Variants in STX18 observed in about 807,000 individuals in gnomAD.
STX18 encodes syntaxin 18.
Under a neutral mutation model 50.1 loss-of-function variants are expected in STX18, and 40 were observed. That is an observed-to-expected ratio of 0.80 (90% CI 0.62 to 1.04). STX18 has a LOEUF of 1.04. Among genes scored for constraint, STX18 ranks in the 50% least tolerant of loss-of-function variants. The pLI is 0.00. For synonymous variants in STX18, 158 were observed against 151.8 expected, an observed-to-expected ratio of 1.04 and a Z score of -0.30; for missense variants, 410 against 415.8, an observed-to-expected ratio of 0.99 and a Z score of 0.12.
intron 5 of STX18, among the ~76,000 whole-genome samples, chr4:4,448,155 C>T (rs73796006): frequency 0.02 from 3,109 of 152,254 alleles, 102 homozygotes; most frequent in African/African-American, 0.071. Flanking sequence ...TGCCCTCCCA[C>T]GCTGTCTTGG....
At chr4:4,432,206 T>C (rs1011777356) in intron 7 of STX18, among the ~76,000 whole-genome samples, 4 of 152,240 alleles carry the variant, frequency 2.6e-5, no homozygotes, top group African/African-American at 9.6e-5. Flanking sequence ...GGGCTAATGG[T>C]ACCATCACTG....
intron 1 of STX18, among the ~76,000 whole-genome samples, chr4:4,509,410 T>TA (rs1383442157): frequency 6.6e-6 from 1 of 152,208 alleles, no homozygotes; most frequent in East Asian, 1.9e-4. Context: ...AAAGGGTTTT[T>TA]TTTTTCTTGT....
chr4:4,459,465 T>C lies in STX18; in HGVS notation c.259A>G (p.Arg87Gly), dbSNP rs1224653440. The stretch of plus-strand genomic sequence containing the variant: ...TGGTCTCGTTCTGTGTCTGTCATCC[T>C]CCCATATTCAGACATGGTATGGCTA... ...AYSHTMSEYG[R>G]MTDTERDQID... The change falls in exon 3 of 11, where the codon AGG becomes GGG. Residue 87 changes from arginine to glycine, a missense_variant. Physicochemically the swap from Arg to Gly is moderately radical, Grantham distance 125. Transcript: ENST00000306200. 6.2e-7 allele frequency: 1 copy of C among 1,613,804 alleles called. No individual in the cohort carries two copies. The highest frequency in any genetic ancestry group is 1.1e-5 in the South Asian group (1 of 91,072).
chr4:4,513,239 G>T (rs528382956), intron 1 of STX18, among the ~76,000 whole-genome samples: 3 of 152,118 alleles, frequency 2.0e-5, no homozygotes, highest in South Asian at 4.1e-4. Context: ...TTCTGATAGA[G>T]GGGGGGACCC....
At position 4,419,824 on chromosome 4, in the gene STX18, C is replaced by G. The variant is rs3210886; in HGVS notation, c.*210G>C. On this transcript the variant is annotated 3_prime_UTR_variant, in exon 11 of 11. Transcript: ENST00000306200. ...GCAGGCTGCCTCCCATTGGTGTGCA[C>G]TGTTTCCTTTTTCAGCTGCTAAATG... is the stretch of plus-strand genomic sequence containing the variant. 1.9e-6 allele frequency: 1 copy of G among 528,288 alleles called. No individual in the cohort carries two copies. The highest frequency in any genetic ancestry group is 2.1e-5 in the African/African-American group (1 of 47,784). The allele number at this position is 528,288 out of a possible 1,614,324, so 32.7% of individuals were successfully genotyped here.
intron 2 of STX18, among the ~76,000 whole-genome samples, chr4:4,467,144 T>TG (rs1727654623): frequency 6.6e-6 from 1 of 152,036 alleles, no homozygotes. Flanking sequence ...TAGGAGCAAA[T>TG]GGGGAGGTTA....
chr4:4,499,496 C>A, intron 1 of STX18: 1 of 985,362 alleles, frequency 1.0e-6, no homozygotes, highest in Non-Finnish European at 1.2e-6. Context: ...AGATGCTTGC[C>A]CACGTTGTAC....
At chr4:4,496,726 AT>A (rs1347252246) in intron 1 of STX18, among the ~76,000 whole-genome samples, 1 of 152,232 alleles carries the variant, frequency 6.6e-6, no homozygotes, top group Non-Finnish European at 1.5e-5. Context: ...AATCCTTTCT[AT>A]GCTAAACAGC....
chr4:4,464,413 T>C (rs879445923), intron 2 of STX18, among the ~76,000 whole-genome samples: 1 of 152,248 alleles, frequency 6.6e-6, no homozygotes, highest in Non-Finnish European at 1.5e-5. Context: ...TCGATAAATA[T>C]TTAGTGTGTG....
chr4:4,508,597 GGTTT>G (rs1209974378), intron 1 of STX18, among the ~76,000 whole-genome samples: 3 of 152,134 alleles, frequency 2.0e-5, no homozygotes, highest in Non-Finnish European at 4.4e-5. Context: ...AGGATGTGCA[GGTTT>G]GTTACATAGG....
chr4:4,470,911 G>A (rs913322452), intron 2 of STX18, among the ~76,000 whole-genome samples: 2 of 152,182 alleles, frequency 1.3e-5, no homozygotes, highest in South Asian at 4.1e-4. Flanking sequence ...TATTCATGGT[G>A]GGCTTACTCA....
chr4:4,542,150 G>A (rs995485201), upstream of STX18: 13 of 729,694 alleles, frequency 1.8e-5, no homozygotes, highest in East Asian at 3.4e-4. Context: ...TCCGGCCTCA[G>A]CCGGCGCACC....
chr4:4,451,833 AG>A (rs997462447), intron 5 of STX18, among the ~76,000 whole-genome samples: 1 of 152,196 alleles, frequency 6.6e-6, no homozygotes, highest in African/African-American at 2.4e-5. Context: ...GCGGCCTCTA[AG>A]TGTTCAAGTG....
Position 4,473,239 on chromosome 4 carries a change from T to C in STX18, c.169-1533A>G, listed in dbSNP as rs538624177. On this transcript the variant is annotated intron_variant, in intron 1 of 10. Transcript: ENST00000306200. The stretch of plus-strand genomic sequence containing the variant: ...TTCCCAGTGCACCACCATGCCTGCC[T>C]GCCTTACAATCCTGTTCCTGCTTTC... Among the ~76,000 whole-genome samples, 210 of 152,106 alleles carry C rather than the reference T, an allele frequency of 1.4e-3. 1 individual carries two copies. The highest frequency in any genetic ancestry group is 5.0e-3 in the African/African-American group (206 of 41,498).
chr4:4,500,228 T>C (rs1164845039), intron 1 of STX18, among the ~76,000 whole-genome samples: 1 of 152,244 alleles, frequency 6.6e-6, no homozygotes, highest in Admixed American at 6.5e-5. Flanking sequence ...AACTCTTTTA[T>C]CACTGTAATA....
At chr4:4,520,392 T>C (rs11730494) in intron 1 of STX18, among the ~76,000 whole-genome samples, 34,022 of 152,060 alleles carry the variant, frequency 0.22, 3,959 homozygotes, top group East Asian at 0.33. Context: ...AGTGCAATTC[T>C]AAAACAGTGA....
chr4:4,469,345 T>A (rs1043961620), intron 2 of STX18, among the ~76,000 whole-genome samples: 2 of 152,204 alleles, frequency 1.3e-5, no homozygotes, highest in African/African-American at 4.8e-5. Context: ...GAACCTAAAC[T>A]ATACTACCTG....
chr4:4,542,165 G>C (rs1039846348), upstream of STX18: 4 of 624,164 alleles, frequency 6.4e-6, no homozygotes, highest in African/African-American at 5.8e-5. Context: ...CGCACCTGGC[G>C]GAGGAGGAAC....
chr4:4,461,869 A>G (rs751630104), intron 2 of STX18: 16 of 456,098 alleles, frequency 3.5e-5, no homozygotes, highest in South Asian at 2.3e-4. Flanking sequence ...GGGTGTGCAT[A>G]TAGTCACCAC....
Sources: allele counts gnomAD v4.1 joint callset (sites outside exome capture counted in the v4.1 genomes callset), GRCh38; gene constraint gnomAD v4.1.1; transcripts MANE v1.5; gene names NCBI Gene and HGNC (gene_info 2026-07-23, HGNC 2026-07-21).